SLC39A11: variants seen among roughly 807,000 people sequenced by gnomAD.
SLC39A11 encodes the protein zinc transporter ZIP11.
Under a neutral mutation model 36.1 loss-of-function variants are expected in SLC39A11, and 33 were observed. That is an observed-to-expected ratio of 0.91 (90% confidence interval 0.69 to 1.22). SLC39A11 has a LOEUF of 1.22. SLC39A11 is among the 50% of genes most tolerant of loss of function. The pLI is 0.00. For synonymous variants in SLC39A11, 166 were observed against 170.3 expected (o/e 0.97, Z 0.20); for missense variants, 432 against 430.3 (o/e 1.00, Z -0.03).
At chr17:72,883,427 T>C (rs1479418678) in intron 5 of SLC39A11, among the ~76,000 whole-genome samples, 1 of 151,812 alleles carries the variant, frequency 6.6e-6, no homozygotes, top group Non-Finnish European at 1.5e-5. Context: ...ACTGAACCAG[T>C]TGAGGTACCT....
intron 7 of SLC39A11, among the ~76,000 whole-genome samples, chr17:72,678,661 C>T (rs940133439): frequency 7.2e-5 from 11 of 151,798 alleles, no homozygotes; most frequent in African/African-American, 9.7e-5. Context: ...GCCGAGATTG[C>T]GCCACTGCAC....
At chr17:72,758,391 T>A (rs1428719999) in intron 6 of SLC39A11, among the ~76,000 whole-genome samples, 1 of 152,206 alleles carries the variant, frequency 6.6e-6, no homozygotes, top group African/African-American at 2.4e-5. Context: ...TCAATCAACA[T>A]TCCCTCTTTA....
At chr17:73,067,689 A>T (rs2060037444) in intron 3 of SLC39A11, among the ~76,000 whole-genome samples, 1 of 152,188 alleles carries the variant, frequency 6.6e-6, no homozygotes, top group African/African-American at 2.4e-5. Context: ...GTATTAATAC[A>T]AATCACATTT....
chr17:72,760,074 T>G (rs56296956), intron 6 of SLC39A11, among the ~76,000 whole-genome samples: 2,197 of 152,356 alleles, frequency 0.014, 48 homozygotes, highest in African/African-American at 0.049. Context: ...TCACCAAAGC[T>G]GGAGTGCAGT....
intron 5 of SLC39A11, among the ~76,000 whole-genome samples, chr17:72,889,232 T>G (rs1469860546): frequency 6.6e-6 from 1 of 152,100 alleles, no homozygotes; most frequent in Admixed American, 6.6e-5. Flanking sequence ...ATATATTACA[T>G]GGCCAGATGC....
At chr17:72,969,967 C>G (rs371399455) in intron 4 of SLC39A11, among the ~76,000 whole-genome samples, 2 of 152,188 alleles carry the variant, frequency 1.3e-5, no homozygotes, top group East Asian at 3.9e-4. Context: ...GTCCGGGGAC[C>G]GAAGCCCAGG....
chr17:72,956,805 A>T (rs1380854056), intron 4 of SLC39A11, among the ~76,000 whole-genome samples: 5 of 152,194 alleles, frequency 3.3e-5, no homozygotes, highest in African/African-American at 4.8e-5. Flanking sequence ...ATCAAAAGCC[A>T]CAATTTCTCT....
chr17:72,815,145 C>G (rs544823760), intron 6 of SLC39A11, among the ~76,000 whole-genome samples: 1 of 152,262 alleles, frequency 6.6e-6, no homozygotes, highest in African/African-American at 2.4e-5. Flanking sequence ...ACTGGTCCAT[C>G]GGGATTGCAT....
chr17:72,919,610 T>G (rs1334451369), intron 5 of SLC39A11, among the ~76,000 whole-genome samples: 1 of 145,606 alleles, frequency 6.9e-6, no homozygotes, highest in African/African-American at 2.6e-5. Flanking sequence ...AGGTGGAGCT[T>G]GCAGTGAGCC....
rs1456560222 is a variant in SLC39A11, at chr17:72,882,793, G to C, written c.431-32989C>G. Among the ~76,000 whole-genome samples, 4 of 67,852 alleles carry C rather than the reference G, an allele frequency of 5.9e-5. No homozygotes were observed. In the East Asian group the frequency reaches 2.5e-3, roughly 43 times the overall value. 44.5% of individuals were successfully genotyped at this position (67,852 alleles called of 152,430 possible). On this transcript the variant is annotated intron_variant, in intron 5 of 9. Coordinates refer to ENST00000255559, the MANE Select transcript of SLC39A11 (RefSeq NM_139177.4). ...ACAACCTGCTTGAGGGAGAGAGAAT[G>C]CTTCTTTTTTTTTTTTTTTTTGAGA... is the stretch of plus-strand genomic sequence containing the variant.
chr17:72,710,748 C>T (rs2073078386), intron 7 of SLC39A11, among the ~76,000 whole-genome samples: 1 of 152,158 alleles, frequency 6.6e-6, no homozygotes, highest in East Asian at 1.9e-4. Context: ...GTAGTGTCTT[C>T]CTAGATTATT....
At chr17:72,679,354 G>A (rs187389987) in intron 7 of SLC39A11, among the ~76,000 whole-genome samples, 2 of 152,300 alleles carry the variant, frequency 1.3e-5, no homozygotes, top group East Asian at 3.9e-4. Flanking sequence ...TCATTACACA[G>A]TGTCTACAGG....
At chr17:73,089,320 A>T (rs116117451) in intron 1 of SLC39A11, among the ~76,000 whole-genome samples, 1 of 152,080 alleles carries the variant, frequency 6.6e-6, no homozygotes, top group African/African-American at 2.4e-5. Context: ...CGACTCTCCA[A>T]TCCCGTTCTC....
intron 6 of SLC39A11, among the ~76,000 whole-genome samples, chr17:72,822,711 CT>C (rs1019170630): frequency 4.0e-5 from 6 of 150,888 alleles, no homozygotes; most frequent in African/African-American, 1.2e-4. Flanking sequence ...CAACCCTAAA[CT>C]TTTTTTCTTT....
intron 5 of SLC39A11, among the ~76,000 whole-genome samples, chr17:72,881,137 C>T (rs945516152): frequency 7.9e-5 from 12 of 151,968 alleles, no homozygotes; most frequent in South Asian, 2.1e-4. Context: ...ACCTACCATA[C>T]GGTCCATTTC....
At chr17:72,672,917 A>T (rs1001163224) in intron 7 of SLC39A11, among the ~76,000 whole-genome samples, 1 of 150,894 alleles carries the variant, frequency 6.6e-6, no homozygotes, top group Admixed American at 6.6e-5. Flanking sequence ...CCCTGCTTCA[A>T]TAAAGTTTTA....
At chr17:72,695,614 CA>C (rs923121212) in intron 7 of SLC39A11, among the ~76,000 whole-genome samples, 26 of 144,594 alleles carry the variant, frequency 1.8e-4, no homozygotes, top group Admixed American at 3.4e-4. Flanking sequence ...GATTTATTTA[CA>C]AAAAAAAGGG....
chr17:72,833,703 C>T (rs960229167), intron 6 of SLC39A11, among the ~76,000 whole-genome samples: 1 of 152,160 alleles, frequency 6.6e-6, no homozygotes, highest in South Asian at 2.1e-4. Flanking sequence ...TGTCTACTGG[C>T]AGATAACACA....
intron 4 of SLC39A11, among the ~76,000 whole-genome samples, chr17:73,007,974 G>A (rs935772532): frequency 6.6e-6 from 1 of 151,856 alleles, no homozygotes; most frequent in African/African-American, 2.4e-5. Context: ...GTGGTGGCGT[G>A]AGCCTGTAGT....
Sources: allele counts gnomAD v4.1 joint callset (sites outside exome capture counted in the v4.1 genomes callset), GRCh38; gene constraint gnomAD v4.1.1; transcripts MANE v1.5; gene names NCBI Gene and HGNC (gene_info 2026-07-23, HGNC 2026-07-21).